The following FAM171A1 variants were observed in gnomAD, a reference collection of about 807,000 sequenced individuals.
FAM171A1 encodes the protein protein FAM171A1.
A neutral mutation model predicts 74.9 loss-of-function variants in FAM171A1; 23 were observed. The observed-to-expected ratio is 0.31, with a 90% CI of 0.22 to 0.44. The LOEUF is 0.44. FAM171A1 is among the 20% of genes least tolerant of loss of function. FAM171A1 has a pLI of 1.00. For missense variants in FAM171A1, 1,162 were observed against 1,159.2 expected, an observed-to-expected ratio of 1.00 and a Z score of -0.03; for synonymous variants, 527 against 505.7, an observed-to-expected ratio of 1.04 and a Z score of -0.57.
intron 3 of FAM171A1, among the ~76,000 whole-genome samples, chr10:15,268,474 T>C (rs1275456690): frequency 6.6e-6 from 1 of 152,036 alleles, no homozygotes; most frequent in Non-Finnish European, 1.5e-5. Flanking sequence ...TATAGTGGTA[T>C]CAACTTAGGT....
chr10:15,267,302 A>G (rs1480926109), intron 3 of FAM171A1, among the ~76,000 whole-genome samples: 2 of 152,110 alleles, frequency 1.3e-5, no homozygotes, highest in Non-Finnish European at 2.9e-5. Context: ...CCACTCATGG[A>G]GATATAAGAA....
chr10:15,318,961 G>C (rs12263797), intron 1 of FAM171A1, among the ~76,000 whole-genome samples: 2,133 of 152,228 alleles, frequency 0.014, 60 homozygotes, highest in East Asian at 0.087. Context: ...ACTTGAGAGG[G>C]GACCAAAGGA....
intron 4 of FAM171A1, among the ~76,000 whole-genome samples, chr10:15,254,173 G>A (rs553931680): frequency 0.017 from 2,527 of 152,248 alleles, 24 homozygotes; most frequent in South Asian, 0.025. Context: ...GCAGAGGGCG[G>A]AGGCTCCCCA....
At chr10:15,281,286 T>C (rs922714154) in intron 2 of FAM171A1, among the ~76,000 whole-genome samples, 5 of 152,246 alleles carry the variant, frequency 3.3e-5, no homozygotes, top group African/African-American at 1.2e-4. Context: ...CTTTATAAAT[T>C]ATCCAGTCTC....
At chr10:15,368,928 GA>G (rs1373010478) in intron 1 of FAM171A1, among the ~76,000 whole-genome samples, 2 of 152,164 alleles carry the variant, frequency 1.3e-5, no homozygotes, top group Non-Finnish European at 2.9e-5. Flanking sequence ...CAGGTAGTGA[GA>G]CCTGATTTCT....
intron 2 of FAM171A1, among the ~76,000 whole-genome samples, chr10:15,278,174 T>G (rs1341984591): frequency 6.6e-6 from 1 of 151,936 alleles, no homozygotes; most frequent in African/African-American, 2.4e-5. Flanking sequence ...GAGGCTCAGA[T>G]CTACACCCTG....
At chr10:15,235,301 C>CA (rs1193195866) in intron 5 of FAM171A1, among the ~76,000 whole-genome samples, 507 of 44,486 alleles carry the variant, frequency 0.011, 27 homozygotes, top group Non-Finnish European at 0.013. Context: ...GACTCTGTCT[C>CA]AAAAAAAAAA....
chr10:15,324,578 T>C (rs1350522798), intron 1 of FAM171A1, among the ~76,000 whole-genome samples: 1 of 152,220 alleles, frequency 6.6e-6, no homozygotes, highest in Non-Finnish European at 1.5e-5. Context: ...CTGGCCATCC[T>C]GCACAGTCGG....
chr10:15,242,948 T>C (rs1329904706), intron 5 of FAM171A1, among the ~76,000 whole-genome samples: 1 of 152,220 alleles, frequency 6.6e-6, no homozygotes, highest in African/African-American at 2.4e-5. Context: ...ATTTCTGTAT[T>C]GTATTCATTT....
At chr10:15,292,543 C>T (rs773458278) in intron 1 of FAM171A1, among the ~76,000 whole-genome samples, 5 of 152,236 alleles carry the variant, frequency 3.3e-5, no homozygotes, top group Middle Eastern at 3.4e-3. Context: ...TGCAGTGGCA[C>T]GATCTTGGCT....
chr10:15,255,874 C>CT, intron 3 of FAM171A1, among the ~76,000 whole-genome samples: 1 of 152,178 alleles, frequency 6.6e-6, no homozygotes, highest in East Asian at 1.9e-4. Flanking sequence ...TCTTGAACTC[C>CT]TGACCTCAGG....
intron 3 of FAM171A1, among the ~76,000 whole-genome samples, chr10:15,257,145 G>A (rs1834590740): frequency 6.6e-6 from 1 of 152,174 alleles, no homozygotes; most frequent in Non-Finnish European, 1.5e-5. Flanking sequence ...GGAGCAAAGA[G>A]GGAGCCTGTC....
chr10:15,348,891 A>C (rs535966139), intron 1 of FAM171A1, among the ~76,000 whole-genome samples: 5 of 152,096 alleles, frequency 3.3e-5, no homozygotes, highest in Non-Finnish European at 7.4e-5. Context: ...TCACACTTTC[A>C]TTTTATTGAC....
chr10:15,245,199 G>A (rs1834416894), intron 5 of FAM171A1, among the ~76,000 whole-genome samples: 1 of 152,090 alleles, frequency 6.6e-6, no homozygotes, highest in Non-Finnish European at 1.5e-5. Context: ...TGGCGTAGCT[G>A]GGATTATAGG....
chr10:15,305,394 GGGCT>G (rs1364052395), intron 1 of FAM171A1, among the ~76,000 whole-genome samples: 3 of 152,116 alleles, frequency 2.0e-5, no homozygotes, highest in Admixed American at 6.5e-5. Flanking sequence ...ACTGAATGGA[GGGCT>G]GGGTGCCATG....
chr10:15,320,194 G>A (rs146627848), intron 1 of FAM171A1, among the ~76,000 whole-genome samples: 1 of 152,086 alleles, frequency 6.6e-6, no homozygotes, highest in Non-Finnish European at 1.5e-5. Flanking sequence ...TCAGTGTTTA[G>A]CTCCCACTTA....
chr10:15,361,652 C>T (rs1388249486), intron 1 of FAM171A1, among the ~76,000 whole-genome samples: 1 of 152,048 alleles, frequency 6.6e-6, no homozygotes, highest in Non-Finnish European at 1.5e-5. Flanking sequence ...CATGGCACTC[C>T]AGCCTGGGTG....
intron 5 of FAM171A1, among the ~76,000 whole-genome samples, chr10:15,228,965 T>C (rs1440937870): frequency 6.6e-6 from 1 of 152,236 alleles, no homozygotes; most frequent in Non-Finnish European, 1.5e-5. Flanking sequence ...CTGGGTACTT[T>C]ACTTCTTGCA....
chr10:15,276,537 T>C lies in FAM171A1; in HGVS notation c.326-590A>G, dbSNP rs146402728. Among the ~76,000 whole-genome samples the C allele has an allele frequency of 5.5e-3, 836 of 152,328 alleles. 12 individuals are homozygous for C. The highest frequency in any genetic ancestry group is 0.019 in the African/African-American group (800 of 41,566). On this transcript the variant is annotated intron_variant, in intron 2 of 7. Coordinates refer to ENST00000378116, the MANE Select transcript of FAM171A1 (RefSeq NM_001010924.2). ...CATTAGGAGTATATGAAAGTTATCA[T>C]GTATACACTACATGAATGTAGAATA...
Sources: gnomAD v4.1 joint callset for allele counts (sites outside exome capture counted in the v4.1 genomes callset) on GRCh38, gnomAD v4.1.1 for gene constraint, MANE v1.5 for transcripts, NCBI Gene and HGNC (gene_info 2026-07-23, HGNC 2026-07-21) for gene names.